TNS1: variants seen among roughly 807,000 people sequenced by gnomAD.
TNS1 encodes the protein tensin 1.
TNS1 carries 62 observed loss-of-function variants against 168.6 expected under a neutral mutation model. That is an observed-to-expected ratio of 0.37 (90% CI 0.30 to 0.45). The LOEUF is 0.45. Among genes scored for constraint, TNS1 ranks in the 20% least tolerant of loss-of-function variants. The pLI is 1.00. For synonymous variants in TNS1, 934 were observed against 933.2 expected (o/e 1.00, Z -0.02); for missense variants, 2,240 against 2,339.4 (o/e 0.96, Z 0.88).
At chr2:217,943,428 C>T (rs1957012232) in intron 3 of TNS1, among the ~76,000 whole-genome samples, 1 of 152,192 alleles carries the variant, frequency 6.6e-6, no homozygotes, top group Non-Finnish European at 1.5e-5. Flanking sequence ...ACTCATCCCC[C>T]TGCAATGGGC....
intron 4 of TNS1, among the ~76,000 whole-genome samples, chr2:217,912,146 G>T (rs186588467): frequency 7.9e-5 from 12 of 152,266 alleles, no homozygotes; most frequent in Admixed American, 6.5e-5. Flanking sequence ...TGGAAGGTTG[G>T]GGGGTGGCTG....
intron 1 of TNS1, among the ~76,000 whole-genome samples, chr2:218,022,862 C>T (rs1958817741): frequency 6.6e-6 from 1 of 152,104 alleles, no homozygotes; most frequent in African/African-American, 2.4e-5. Flanking sequence ...CAGAAGTCAC[C>T]TCCTGGTGAG....
At chr2:217,908,365 TC>T (rs575262954) in intron 4 of TNS1, among the ~76,000 whole-genome samples, 17 of 152,148 alleles carry the variant, frequency 1.1e-4, no homozygotes, top group Non-Finnish European at 1.5e-4. Context: ...CGTTTCCAAC[TC>T]AGTGAAGTGG....
At chr2:218,017,994 A>G (rs1958776895) in intron 1 of TNS1, among the ~76,000 whole-genome samples, 1 of 152,232 alleles carries the variant, frequency 6.6e-6, no homozygotes, top group Non-Finnish European at 1.5e-5. Context: ...GGTTGAGGCC[A>G]AAACAGCTTT....
intron 1 of TNS1, among the ~76,000 whole-genome samples, chr2:218,009,168 C>T (rs1958684252): frequency 6.6e-6 from 1 of 152,190 alleles, no homozygotes; most frequent in South Asian, 2.1e-4. Flanking sequence ...ACCGTCCCTG[C>T]CCCAAGAGAG....
chr2:217,954,543 G>C (rs1273949371), intron 3 of TNS1, among the ~76,000 whole-genome samples: 2 of 152,180 alleles, frequency 1.3e-5, no homozygotes, highest in Non-Finnish European at 2.9e-5. Flanking sequence ...GCTTTGAAGA[G>C]GGTGTCACTT....
intron 3 of TNS1, among the ~76,000 whole-genome samples, chr2:217,939,646 C>T (rs1214395711): frequency 6.6e-6 from 1 of 152,234 alleles, no homozygotes; most frequent in African/African-American, 2.4e-5. Context: ...CCTGTGACCC[C>T]TGACCCCCAT....
In TNS1 at chr2:217,927,105, T is replaced by C. The variant is rs573579937; in HGVS notation, c.187-6869A>G. On this transcript the variant is annotated intron_variant, in intron 3 of 32. Coordinates refer to ENST00000682258, the MANE Select transcript of TNS1 (RefSeq NM_001387777.1). ...CCGAGAGCAGGCAGCACATGGGCCA[T>C]TTCCATTGAGAAGTCCCCATGCCTG... 1.5e-4 allele frequency among the ~76,000 whole-genome samples: 23 copies of C among 152,342 alleles called. No homozygotes were observed. In the South Asian group the frequency reaches 4.8e-3, roughly 32 times the overall value.
chr2:217,827,130 G>C (rs750712146), intron 22 of TNS1, among the ~76,000 whole-genome samples: 12 of 151,946 alleles, frequency 7.9e-5, no homozygotes, highest in Non-Finnish European at 1.6e-4. Flanking sequence ...TGAAATGTCT[G>C]TTGGCATCAC....
At chr2:217,859,679 A>G (rs998399503) in intron 18 of TNS1, 3 of 1,536,188 alleles carry the variant, frequency 2.0e-6, no homozygotes, top group South Asian at 1.2e-5. Context: ...TTGACTGGCT[A>G]TTGGTATTCT....
At chr2:217,974,620 C>T (rs1218073532) in intron 3 of TNS1, among the ~76,000 whole-genome samples, 1 of 152,206 alleles carries the variant, frequency 6.6e-6, no homozygotes, top group Non-Finnish European at 1.5e-5. Context: ...TCAAGCACGT[C>T]CAAGTGGCAG....
intron 3 of TNS1, among the ~76,000 whole-genome samples, chr2:217,964,838 C>T (rs1957584518): frequency 6.6e-6 from 1 of 152,232 alleles, no homozygotes; most frequent in Non-Finnish European, 1.5e-5. Flanking sequence ...CTGTGACTCG[C>T]TCTGTGTTCT....
intron 3 of TNS1, among the ~76,000 whole-genome samples, chr2:217,977,443 G>A (rs958738689): frequency 2.6e-5 from 4 of 152,222 alleles, no homozygotes. Context: ...CTCCAGCAAG[G>A]TGTGTGCTCG....
intron 6 of TNS1, 104 bp from the exon 7 acceptor site, chr2:217,900,616 C>T: frequency 7.9e-7 from 1 of 1,266,596 alleles, no homozygotes; most frequent in Non-Finnish European, 1.1e-6. Context: ...CCTCTTCTTT[C>T]CTTGCCAACA....
At chr2:217,897,668 A>G (rs776161568) in intron 8 of TNS1, 130 bp downstream of exon 8, 19 of 1,007,300 alleles carry the variant, frequency 1.9e-5, no homozygotes, top group Admixed American at 7.8e-5. Context: ...CTGAGGGGAA[A>G]GGCAGATAAA....
intron 3 of TNS1, among the ~76,000 whole-genome samples, chr2:217,957,930 G>T (rs1296223602): frequency 6.6e-6 from 1 of 151,010 alleles, no homozygotes; most frequent in Non-Finnish European, 1.5e-5. Context: ...GAAGCCGGGG[G>T]TAGGTACAAA....
chr2:217,924,583 G>A (rs1955912725), intron 3 of TNS1, among the ~76,000 whole-genome samples: 1 of 152,218 alleles, frequency 6.6e-6, no homozygotes, highest in African/African-American at 2.4e-5. Flanking sequence ...GGAGGCACCT[G>A]TGGCCACTTG....
At chr2:217,882,633 G>C (rs1950790393) in intron 16 of TNS1, among the ~76,000 whole-genome samples, 1 of 151,978 alleles carries the variant, frequency 6.6e-6, no homozygotes, top group Admixed American at 6.6e-5. Flanking sequence ...GAGGTAATGA[G>C]GTCACTGATT....
Position 217,847,974 on chromosome 2 carries a change from G to C in TNS1, c.2543C>G (p.Ser848Cys). 6.6e-7 allele frequency: 1 copy of C among 1,511,916 alleles called. No homozygotes were observed. The highest frequency in any genetic ancestry group is 1.4e-5 in the African/African-American group (1 of 71,984). The allele number at this position is 1,511,916 out of a possible 1,614,324, so 93.7% of individuals were successfully genotyped here. A position where few individuals can be genotyped will look rare whatever the true frequency, so the allele number is the denominator to read the frequency against. The change falls in exon 19 of 33, where the codon TCC becomes TGC. Residue 848 changes from serine (S) to cysteine (C), a missense_variant. Ser to Cys is a moderately radical substitution (Grantham distance 112). This residue lies in a region of TNS1 where 2,131 missense variants were observed against 2,171.2 expected (regional missense o/e 0.98). Transcript: ENST00000682258. ...NMLMLDLEPA[S>C]AAAPLHKSQS... is the part of the protein sequence containing the mutation. ...GGACTTGTGTAGTGGGGCAGCAGCG[G>C]AGGCTGGCTCCAGGTCCAGCATCAG... is the stretch of plus-strand genomic sequence containing the variant.
Sources: gnomAD v4.1 joint callset for allele counts (sites outside exome capture counted in the v4.1 genomes callset) on GRCh38, gnomAD v4.1.1 for gene constraint, gnomAD v4.1.1 regional missense constraint, MANE v1.5 for transcripts, NCBI Gene and HGNC (gene_info 2026-07-23, HGNC 2026-07-21) for gene names.